DST: variants seen among roughly 807,000 people sequenced by gnomAD.
DST encodes the protein dystonin, also known as bullous pemphigoid antigen.
Under a neutral mutation model 875.2 loss-of-function variants are expected in DST, and 253 were observed. The observed-to-expected ratio is 0.29, with a 90% CI of 0.26 to 0.32. The LOEUF is 0.32. DST is among the 10% of genes least tolerant of loss of function. The pLI is 1.00. For missense variants in DST, 8,287 were observed against 9,111.6 expected, an observed-to-expected ratio of 0.91 and a Z score of 3.68; for synonymous variants, 3,124 against 3,197.1, an observed-to-expected ratio of 0.98 and a Z score of 0.77.
chr6:56,690,714 C>T (rs1371608804), intron 9 of DST, among the ~76,000 whole-genome samples: 1 of 152,122 alleles, frequency 6.6e-6, no homozygotes, highest in Non-Finnish European at 1.5e-5. Context: ...GCCAATGAAG[C>T]GGCTGGAAGC....
intron 92 of DST, among the ~76,000 whole-genome samples, chr6:56,475,833 G>C (rs1160008038): frequency 2.0e-5 from 3 of 152,196 alleles, no homozygotes; most frequent in African/African-American, 7.2e-5. Context: ...GAAATAGAGA[G>C]CTGAGGATAA....
Position 56,641,961 on chromosome 6 carries a change from A to C in DST, c.2013T>G (p.Asp671Glu). Residue 671 changes from aspartate (D) to glutamate (E), a missense_variant, in exon 17 of 104, where the codon GAT becomes GAG. Around this residue, in one of 10 missense-constraint regions of DST, gnomAD observed 1,160 missense variants for 1,424.3 expected, o/e 0.81. Transcript: ENST00000680361. ...ILIDGKYYQA[D>E]QLVQRVAKLR... is the part of the protein sequence containing the mutation. ...AGCACTCTTACCTCTGTACCAATTGATCTGCCTGGTAGTATTTTCCATCAA... is the reference window on the plus strand; with the variant it reads ...AGCACTCTTACCTCTGTACCAATTGCTCTGCCTGGTAGTATTTTCCATCAA... The C allele has an allele frequency of 1.2e-6, 2 of 1,612,998 alleles. No individual in the cohort carries two copies. The highest frequency in any genetic ancestry group is 1.7e-6 in the Non-Finnish European group (2 of 1,179,552).
intron 5 of DST, among the ~76,000 whole-genome samples, chr6:56,708,304 T>A (rs943810290): frequency 6.6e-6 from 1 of 152,152 alleles, no homozygotes; most frequent in African/African-American, 2.4e-5. Context: ...ATTATCATTT[T>A]AAAAAATCAA....
intron 102 of DST, chr6:56,460,984 T>C (rs1319804126): frequency 6.6e-6 from 1 of 151,836 alleles, no homozygotes; most frequent in Non-Finnish European, 1.5e-5. Context: ...TTTTTCCAGA[T>C]CACAACATTT....
At chr6:56,770,999 CAAA>C (rs199539222) in intron 4 of DST, among the ~76,000 whole-genome samples, 9 of 77,358 alleles carry the variant, frequency 1.2e-4, no homozygotes, top group Non-Finnish European at 1.8e-4. Context: ...AACTCCATCT[CAAA>C]AAAAAAAAAA....
At chr6:56,655,377 A>G (rs2099001893) in intron 10 of DST, among the ~76,000 whole-genome samples, 10 of 152,170 alleles carry the variant, frequency 6.6e-5, no homozygotes, top group Admixed American at 6.5e-4. Context: ...TTTAGTGCAG[A>G]CACAACATTA....
chr6:56,640,084 A>T lies in DST; in HGVS notation c.2491-27T>A, dbSNP rs375633051. ...TTCAGACAGTAAAATACTAAGTTTA[A>T]AAAAGAAATTGATAACAATAAAGAC... On this transcript the variant is annotated intron_variant, in intron 18 of 103. Coordinates refer to ENST00000680361, the MANE Select transcript of DST (RefSeq NM_001374736.1). 50 of 1,613,942 alleles carry T rather than the reference A, an allele frequency of 3.1e-5. No homozygotes were observed. The African/African-American group carries it at 6.1e-4, about 20-fold the overall frequency.
rs1417980344 is a variant in DST, at chr6:56,593,810, G to A, written c.12579C>T (p.Tyr4193=). 5 of 1,613,808 alleles carry A rather than the reference G, an allele frequency of 3.1e-6. No homozygotes were observed. Among genetic ancestry groups the A allele is most frequent in the East Asian group, 4.5e-5 (2 of 44,862 alleles). ...ACACTCTGTTTCCAGAAATTGTGAT[G>A]TATCTCAAGTCACCTTTGTGAGAAA... ...DVISHKGDLR[Y]ITISGNRVLE... is the part of the protein sequence containing the mutation. Residue 4193 remains tyrosine, a synonymous_variant, in exon 48 of 104, where the codon TAC becomes TAT. Coordinates refer to ENST00000680361, the MANE Select transcript of DST (RefSeq NM_001374736.1).
rs1235183236 is a variant in DST, at chr6:56,619,321, C to T, written c.4930-4837G>A. 9.3e-6 allele frequency: 15 copies of T among 1,611,224 alleles called. No homozygotes were observed. The highest frequency in any genetic ancestry group is 1.7e-5 in the Admixed American group (1 of 59,526). On this transcript the variant is annotated intron_variant, in intron 36 of 103. Coordinates refer to ENST00000680361, the MANE Select transcript of DST (RefSeq NM_001374736.1). ...TAAGCTCCTCTACTTTTTGTTTTAG[C>T]ATCTCTGCACACTCATTACTTTTCT...
At chr6:56,666,193 C>T (rs546704817) in intron 10 of DST, among the ~76,000 whole-genome samples, 58 of 151,816 alleles carry the variant, frequency 3.8e-4, no homozygotes, top group African/African-American at 1.2e-3. Context: ...AACAAACATT[C>T]TTTTTATTTT....
intron 4 of DST, among the ~76,000 whole-genome samples, chr6:56,840,991 T>C (rs1022546642): frequency 1.3e-5 from 2 of 152,086 alleles, no homozygotes; most frequent in African/African-American, 4.8e-5. Context: ...TCAAAATGAC[T>C]TCCCTTTAAG....
rs568764176 is a variant in DST, at chr6:56,615,759, C to T, written c.4930-1275G>A. The T allele has an allele frequency of 2.7e-5, 44 of 1,614,098 alleles. 1 individual carries two copies. The Middle Eastern group carries it at 6.6e-4, about 24-fold the overall frequency. On this transcript the variant is annotated intron_variant, in intron 36 of 103. Transcript: ENST00000680361. ...TCTTCTATTGATAACCGAGAGTGAA[C>T]CTGTGGCTCTATCAACCCTCCTGTC...
rs369831845 is a variant in DST at position 56,600,100 on chromosome 6, A to T, written c.11663T>A (p.Val3888Asp). Residue 3888 changes from valine (V) to aspartate (D), a missense_variant, in exon 45 of 104, where the codon GTT becomes GAT. Around this residue, in one of 10 missense-constraint regions of DST, gnomAD observed 3,138 missense variants for 3,116.6 expected, o/e 1.01. Coordinates refer to ENST00000680361, the MANE Select transcript of DST (RefSeq NM_001374736.1). ...QEAFMIGDGT[V>D]ELKKYQSKQE... ...CTTGGACTGATATTTCTTTAACTCA[A>T]CTGTGCCATCTCCAATCATGAAGGC... 4 of 1,612,838 alleles carry T rather than the reference A, an allele frequency of 2.5e-6. No homozygotes were observed. Among genetic ancestry groups the T allele is most frequent in the Admixed American group, 3.3e-5 (2 of 59,952 alleles).
intron 95 of DST, 100 bp from the exon 96 acceptor site, chr6:56,470,382 A>T: frequency 2.1e-6 from 2 of 935,870 alleles, no homozygotes; most frequent in South Asian, 5.5e-5. Flanking sequence ...TTAAATCATC[A>T]GTGATCAAAT....
intron 4 of DST, among the ~76,000 whole-genome samples, chr6:56,787,417 G>A (rs1045820296): frequency 6.6e-6 from 1 of 152,174 alleles, no homozygotes; most frequent in Non-Finnish European, 1.5e-5. Context: ...GTACAGGATT[G>A]AGTCCAACAA....
chr6:56,679,283 T>TGCAC (rs2099145588), intron 9 of DST, among the ~76,000 whole-genome samples: 1 of 152,142 alleles, frequency 6.6e-6, no homozygotes. Flanking sequence ...TCAATCCAGC[T>TGCAC]GCACGTCTTC....
At chr6:56,479,782 G>T (rs888779108) in intron 90 of DST, among the ~76,000 whole-genome samples, 1 of 152,184 alleles carries the variant, frequency 6.6e-6, no homozygotes, top group Non-Finnish European at 1.5e-5. Context: ...AAAAAGCACG[G>T]AGGATCACAG....
chr6:56,745,644 G>A (rs2152944123), intron 4 of DST, among the ~76,000 whole-genome samples: 1 of 152,162 alleles, frequency 6.6e-6, no homozygotes, highest in East Asian at 1.9e-4. Context: ...TATAACAGCA[G>A]ACACTGTAGA....
In DST at chr6:56,592,273, A is replaced by C; in HGVS notation, c.12812T>G (p.Leu4271Arg). The change falls in exon 49 of 104, where the codon CTC becomes CGC. Residue 4271 changes from leucine (L) to arginine (R), a missense_variant. By Grantham distance (102) the Leu-to-Arg change is moderately radical. Coordinates refer to ENST00000680361, the MANE Select transcript of DST (RefSeq NM_001374736.1). Reference sequence around the variant, plus strand: ...GCTCGCTGTGGCCTCACAGGCCTGGAGTCCAGCAAGAAGTCCACATGAAGC... The same window carrying C: ...GCTCGCTGTGGCCTCACAGGCCTGGCGTCCAGCAAGAAGTCCACATGAAGC... ...EDASCGLLAG[L>R]QACEATASKH... 1 of 1,612,596 alleles carries C rather than the reference A, an allele frequency of 6.2e-7. No homozygotes were observed. Among genetic ancestry groups the C allele is most frequent in the Non-Finnish European group, 8.5e-7 (1 of 1,179,226 alleles).
Sources: allele counts gnomAD v4.1 joint callset (sites outside exome capture counted in the v4.1 genomes callset), GRCh38; gene constraint gnomAD v4.1.1; regional missense constraint gnomAD v4.1.1; transcripts MANE v1.5; gene names NCBI Gene and HGNC (gene_info 2026-07-23, HGNC 2026-07-21).